MTCL2: variants seen among roughly 807,000 people sequenced by gnomAD.
MTCL2 encodes microtubule cross-linking factor 2.
the MTCL2 span, chr20:36,794,392 G>A: frequency 6.2e-7 from 1 of 1,613,406 alleles, no homozygotes; most frequent in Non-Finnish European, 8.5e-7. This position sits in a 1 kb window ranked among gnomAD's most constrained non-coding sequence, Gnocchi z 5.4. Context: ...GGGGGTCCTG[G>A]CAGGCCAGGG....
At chr20:36,860,164 C>T in the MTCL2 span, among the ~76,000 whole-genome samples, 1 of 152,134 alleles carries the variant, frequency 6.6e-6, no homozygotes, top group Non-Finnish European at 1.5e-5. Flanking sequence ...CTTCCCCTCT[C>T]TGGCCTTAGC....
At chr20:36,790,229 G>C in the MTCL2 span, among the ~76,000 whole-genome samples, 1 of 151,626 alleles carries the variant, frequency 6.6e-6, no homozygotes, top group South Asian at 2.1e-4. Context: ...CTGACCTCAT[G>C]ATCCACCCAC....
chr20:36,819,844 G>T, the MTCL2 span, among the ~76,000 whole-genome samples: 1 of 152,084 alleles, frequency 6.6e-6, no homozygotes, highest in African/African-American at 2.4e-5. Flanking sequence ...TCAGACGCTG[G>T]GTGCCAAGAG....
the MTCL2 span, chr20:36,806,053 A>T: frequency 2.1e-6 from 2 of 955,160 alleles, no homozygotes; most frequent in Admixed American, 2.7e-5. Flanking sequence ...GCACGGCTGG[A>T]TAGTCAGGCC....
the MTCL2 span, among the ~76,000 whole-genome samples, chr20:36,838,587 A>G: frequency 2.2e-4 from 33 of 152,258 alleles, no homozygotes; most frequent in Non-Finnish European, 4.3e-4. Context: ...CCTTGTCTCT[A>G]AAAAAACAAG....
chr20:36,796,746 C>G, the MTCL2 span: 1 of 782,814 alleles, frequency 1.3e-6, no homozygotes, highest in Non-Finnish European at 2.1e-6. Context: ...GGGGTGGCGG[C>G]AGGAAGAGGG....
chr20:36,808,560 A>C, the MTCL2 span: 1 of 1,609,908 alleles, frequency 6.2e-7, no homozygotes, highest in African/African-American at 1.3e-5. Context: ...CCCTGCCGCC[A>C]GCGCTTGAGG....
At chr20:36,786,520 C>A in the MTCL2 span, 1 of 1,549,974 alleles carries the variant, frequency 6.5e-7, no homozygotes, top group South Asian at 1.2e-5. Flanking sequence ...TCCTCCCCAC[C>A]CCAGCTGGAC....
the MTCL2 span, among the ~76,000 whole-genome samples, chr20:36,789,521 C>T: frequency 1.3e-5 from 2 of 151,942 alleles, no homozygotes; most frequent in East Asian, 1.9e-4. Flanking sequence ...AGTAGCCGGG[C>T]GTGGTGGCAT....
chr20:36,812,615 G>C, the MTCL2 span: 2 of 1,524,094 alleles, frequency 1.3e-6, no homozygotes, highest in South Asian at 1.3e-5. Flanking sequence ...ATCCTCACCA[G>C]CTAAGTGATA....
chr20:36,796,496 G>A, the MTCL2 span, among the ~76,000 whole-genome samples: 2 of 152,228 alleles, frequency 1.3e-5, no homozygotes, highest in African/African-American at 4.8e-5. Context: ...ACAGGGCTGG[G>A]CCCAAAGGAT....
chr20:36,839,499 A>G, the MTCL2 span: 1 of 1,515,884 alleles, frequency 6.6e-7, no homozygotes, highest in East Asian at 2.3e-5. The surrounding 1 kb of genome is among the most constrained non-coding windows in gnomAD (Gnocchi z 5.1). Flanking sequence ...AGGAGGCCGG[A>G]GTACTGGCCA....
the MTCL2 span, among the ~76,000 whole-genome samples, chr20:36,804,421 T>G: frequency 6.6e-6 from 1 of 152,166 alleles, no homozygotes; most frequent in Non-Finnish European, 1.5e-5. Flanking sequence ...CAGTTGGGGC[T>G]GAGGGAGTGC....
At chr20:36,863,178 G>A in the MTCL2 span, 3 of 1,271,204 alleles carry the variant, frequency 2.4e-6, no homozygotes, top group Middle Eastern at 3.0e-4. This position sits in a 1 kb window ranked among gnomAD's most constrained non-coding sequence, Gnocchi z 6.2. Flanking sequence ...TGCTGAGCCC[G>A]GGCCTGGGCC....
the MTCL2 span, among the ~76,000 whole-genome samples, chr20:36,821,100 C>T: frequency 4.6e-5 from 7 of 152,356 alleles, no homozygotes; most frequent in African/African-American, 1.2e-4. Flanking sequence ...CCAGTTATCC[C>T]GCCCCAAGGC....
At chr20:36,844,231 G>C in the MTCL2 span, among the ~76,000 whole-genome samples, 1 of 151,096 alleles carries the variant, frequency 6.6e-6, no homozygotes, top group Non-Finnish European at 1.5e-5. Flanking sequence ...GCGAGACTCT[G>C]TCTCAGAAAA....
the MTCL2 span, chr20:36,804,868 T>C: frequency 6.2e-7 from 1 of 1,613,830 alleles, no homozygotes; most frequent in Non-Finnish European, 8.5e-7. Flanking sequence ...CAGCGTCACC[T>C]TCATGTCGGC....
the MTCL2 span, among the ~76,000 whole-genome samples, chr20:36,855,667 T>TA: frequency 5.9e-5 from 9 of 152,252 alleles, no homozygotes; most frequent in Non-Finnish European, 8.8e-5. Context: ...CCCCGGAGGC[T>TA]ATGCAAGACA....
chr20:36,840,259 G>T, the MTCL2 span, among the ~76,000 whole-genome samples: 2 of 151,486 alleles, frequency 1.3e-5, no homozygotes, highest in African/African-American at 4.8e-5. Context: ...CCCCCTCCTG[G>T]GTTCACGCCA....
Sources: gnomAD v4.1 joint callset for allele counts (sites outside exome capture counted in the v4.1 genomes callset) on GRCh38, gnomAD v4.1.1 for gene constraint, Gnocchi (gnomAD v3.1) non-coding constraint, MANE v1.5 for transcripts, NCBI Gene and HGNC (gene_info 2026-07-23, HGNC 2026-07-21) for gene names.